The following DISP1 variants were observed in gnomAD, a reference collection of about 807,000 sequenced individuals.
DISP1 encodes protein dispatched homolog 1.
A neutral mutation model predicts 37.3 loss-of-function variants in DISP1; 30 were observed. The observed-to-expected ratio is 0.80, with a 90% CI of 0.60 to 1.09. DISP1 has a LOEUF of 1.09. Among genes scored for constraint, DISP1 ranks in the 50% least tolerant of loss-of-function variants. The pLI, the probability that DISP1 is intolerant of heterozygous loss-of-function variation, is 0.00. For synonymous variants in DISP1, 634 were observed against 690.2 expected (o/e 0.92, Z 1.28); for missense variants, 1,598 against 1,879.5 (o/e 0.85, Z 2.77).
intron 1 of DISP1, among the ~76,000 whole-genome samples, chr1:222,889,754 T>C (rs895675310): frequency 1.3e-5 from 2 of 152,132 alleles, no homozygotes; most frequent in Admixed American, 1.3e-4. Context: ...ATGAAGACAA[T>C]TTCTGATTTC....
At chr1:222,911,068 A>T (rs1672181118) in intron 1 of DISP1, among the ~76,000 whole-genome samples, 1 of 152,224 alleles carries the variant, frequency 6.6e-6, no homozygotes, top group South Asian at 2.1e-4. Context: ...AGAAATTCAC[A>T]GTAATTGTCT....
At chr1:222,860,754 G>T (rs571250188) in intron 1 of DISP1, among the ~76,000 whole-genome samples, 2 of 151,930 alleles carry the variant, frequency 1.3e-5, no homozygotes, top group African/African-American at 4.8e-5. Flanking sequence ...GCGGGGTAGC[G>T]TGTGCCTGTA....
At chr1:222,997,099 T>C (rs1286182706) in intron 8 of DISP1, among the ~76,000 whole-genome samples, 2 of 150,860 alleles carry the variant, frequency 1.3e-5, no homozygotes, top group Non-Finnish European at 2.9e-5. Context: ...TTTATATAGA[T>C]AGATAGATGA....
chr1:222,873,467 G>C (rs1193632343), intron 1 of DISP1, among the ~76,000 whole-genome samples: 3 of 152,058 alleles, frequency 2.0e-5, no homozygotes, highest in Non-Finnish European at 4.4e-5. Flanking sequence ...CCTGTATTGG[G>C]TGCATATATA....
intron 1 of DISP1, among the ~76,000 whole-genome samples, chr1:222,920,781 G>A (rs1213874104): frequency 6.6e-6 from 1 of 151,740 alleles, no homozygotes; most frequent in Non-Finnish European, 1.5e-5. Flanking sequence ...TATGGTTTTT[G>A]CTTTAAAATA....
chr1:222,959,897 T>C (rs1675923398), intron 3 of DISP1, among the ~76,000 whole-genome samples: 1 of 150,152 alleles, frequency 6.7e-6, no homozygotes, highest in African/African-American at 2.4e-5. Context: ...CATTACATAA[T>C]GGTAAAGGGA....
intron 3 of DISP1, 98 bp from the exon 4 acceptor site, chr1:222,982,982 A>T: frequency 2.2e-6 from 2 of 892,948 alleles, no homozygotes; most frequent in Non-Finnish European, 3.6e-6. Flanking sequence ...AGAGATAACA[A>T]GTAAAATGTT....
chr1:222,937,172 G>T (rs369553473), intron 2 of DISP1, among the ~76,000 whole-genome samples: 14 of 148,522 alleles, frequency 9.4e-5, no homozygotes, highest in Non-Finnish European at 4.4e-5. Flanking sequence ...TCACTGCAAG[G>T]TCCGCCTCCT....
intron 7 of DISP1, among the ~76,000 whole-genome samples, chr1:222,992,811 T>C (rs1678792807): frequency 6.6e-6 from 1 of 151,264 alleles, no homozygotes; most frequent in Admixed American, 6.6e-5. Context: ...GATGGGGTTC[T>C]AGAAATGAGG....
At chr1:222,997,790 A>G (rs114584995) in intron 8 of DISP1, among the ~76,000 whole-genome samples, 2,398 of 152,252 alleles carry the variant, frequency 0.016, 55 homozygotes, top group African/African-American at 0.054. Flanking sequence ...CATTATCTAT[A>G]TGCTTTGGCA....
chr1:222,841,681 T>A (rs965308675), intron 1 of DISP1, among the ~76,000 whole-genome samples: 1 of 152,208 alleles, frequency 6.6e-6, no homozygotes, highest in African/African-American at 2.4e-5. Flanking sequence ...TTGTCTTTTA[T>A]CATCAAGCTA....
At chr1:222,872,930 T>C (rs1361530870) in intron 1 of DISP1, among the ~76,000 whole-genome samples, 1 of 152,234 alleles carries the variant, frequency 6.6e-6, no homozygotes, top group Non-Finnish European at 1.5e-5. Context: ...AATTTCCCTC[T>C]ACACACTGCT....
chr1:222,981,349 C>A (rs1413175730), intron 3 of DISP1, among the ~76,000 whole-genome samples: 1 of 152,142 alleles, frequency 6.6e-6, no homozygotes. Context: ...AATGAGGCTG[C>A]AGTGGAATTG....
chr1:222,820,286 ATATC>A (rs1662507117), intron 1 of DISP1, among the ~76,000 whole-genome samples: 1 of 152,198 alleles, frequency 6.6e-6, no homozygotes, highest in African/African-American at 2.4e-5. Context: ...ATATCATAAA[ATATC>A]TAACTACGTA....
At chr1:222,984,422 ATAT>A (rs1417459088) in intron 4 of DISP1, among the ~76,000 whole-genome samples, 5 of 20,238 alleles carry the variant, frequency 2.5e-4, no homozygotes, top group African/African-American at 7.2e-4. Flanking sequence ...AAAAAAAAAA[ATAT>A]ATATATATAT....
intron 1 of DISP1, among the ~76,000 whole-genome samples, chr1:222,917,589 T>G (rs1024844638): frequency 3.3e-5 from 5 of 152,198 alleles, no homozygotes; most frequent in Admixed American, 6.5e-5. Context: ...TTGGTTCATA[T>G]TGTCCTTTTG....
intron 3 of DISP1, among the ~76,000 whole-genome samples, chr1:222,955,093 C>CTT (rs4011733): frequency 0.34 from 48,866 of 144,088 alleles, 8,411 homozygotes; most frequent in African/African-American, 0.41. Flanking sequence ...CATTTTAAAG[C>CTT]TTTTTTTTTT....
chr1:222,992,683 A>C (rs1678782476), intron 7 of DISP1, among the ~76,000 whole-genome samples: 1 of 152,106 alleles, frequency 6.6e-6, no homozygotes, highest in African/African-American at 2.4e-5. Context: ...GGGGCCTGGC[A>C]TATAATCCAA....
chr1:222,957,016 G>A (rs1327765347), intron 3 of DISP1, among the ~76,000 whole-genome samples: 1 of 151,856 alleles, frequency 6.6e-6, no homozygotes, highest in Non-Finnish European at 1.5e-5. Flanking sequence ...CCATGCAATT[G>A]TAACTTCATA....
Sources: gnomAD v4.1 joint callset for allele counts (sites outside exome capture counted in the v4.1 genomes callset) on GRCh38, gnomAD v4.1.1 for gene constraint, MANE v1.5 for transcripts, NCBI Gene and HGNC (gene_info 2026-07-23, HGNC 2026-07-21) for gene names.